CALN1: variants seen among roughly 807,000 people sequenced by gnomAD.
CALN1 encodes calneuron 1, also known as calcium-binding protein 8.
CALN1 carries 17 observed loss-of-function variants against 30.6 expected under a neutral mutation model. The observed-to-expected ratio is 0.56, with a 90% CI of 0.38 to 0.83. The LOEUF is 0.83. Among genes scored for constraint, CALN1 ranks in the 40% least tolerant of loss-of-function variants. The pLI is 0.00. For synonymous variants in CALN1, 156 were observed against 131.4 expected (o/e 1.19, Z -1.28); for missense variants, 291 against 354.9 (o/e 0.82, Z 1.45).
At chr7:72,075,350 A>G (rs1004024055) in intron 4 of CALN1, among the ~76,000 whole-genome samples, 1 of 152,236 alleles carries the variant, frequency 6.6e-6, no homozygotes, top group African/African-American at 2.4e-5. Flanking sequence ...AAGTTGACAC[A>G]TAAGATTAAC....
At chr7:72,380,714 T>C (rs1009438034) in intron 2 of CALN1, among the ~76,000 whole-genome samples, 1 of 148,532 alleles carries the variant, frequency 6.7e-6, no homozygotes, top group Non-Finnish European at 1.5e-5. Flanking sequence ...ATTAGATAGA[T>C]AGATAGATAC....
chr7:72,212,151 G>A (rs553869296), intron 3 of CALN1, among the ~76,000 whole-genome samples: 10 of 152,058 alleles, frequency 6.6e-5, no homozygotes, highest in Non-Finnish European at 1.5e-4. Flanking sequence ...AGGAGATGGA[G>A]ACCATCCTGG....
intron 2 of CALN1, among the ~76,000 whole-genome samples, chr7:72,393,569 C>A (rs979528462): frequency 6.6e-6 from 1 of 152,148 alleles, no homozygotes; most frequent in South Asian, 2.1e-4. Context: ...AAGGAGGACA[C>A]TGCATGAACA....
chr7:71,887,329 CTT>C (rs1792971020), intron 5 of CALN1, among the ~76,000 whole-genome samples: 1 of 152,138 alleles, frequency 6.6e-6, no homozygotes, highest in South Asian at 2.1e-4. Context: ...GAGTTTCGCT[CTT>C]GTTGCCCAGG....
At chr7:71,873,090 G>T (rs1371284368) in intron 5 of CALN1, among the ~76,000 whole-genome samples, 1 of 143,114 alleles carries the variant, frequency 7.0e-6, no homozygotes, top group Non-Finnish European at 1.5e-5. Flanking sequence ...TGCAGCCTTT[G>T]CCTCCCGGAT....
At chr7:72,062,177 C>T (rs1411023735) in intron 4 of CALN1, among the ~76,000 whole-genome samples, 1 of 152,000 alleles carries the variant, frequency 6.6e-6, no homozygotes, top group African/African-American at 2.4e-5. Context: ...GTCAGCACAC[C>T]TGCTCTAAAA....
intron 1 of CALN1, among the ~76,000 whole-genome samples, chr7:72,431,149 C>A (rs935365699): frequency 6.6e-6 from 1 of 151,866 alleles, no homozygotes; most frequent in African/African-American, 2.4e-5. Flanking sequence ...AGGCTCGTCT[C>A]GAACTCCTGA....
chr7:72,119,651 T>A (rs1161069420), intron 3 of CALN1, among the ~76,000 whole-genome samples: 2 of 152,124 alleles, frequency 1.3e-5, no homozygotes, highest in African/African-American at 4.8e-5. Flanking sequence ...TCCACATGGC[T>A]GGGGAGGCCT....
intron 3 of CALN1, among the ~76,000 whole-genome samples, chr7:72,127,260 T>A (rs1268272778): frequency 6.6e-6 from 1 of 152,084 alleles, no homozygotes; most frequent in Non-Finnish European, 1.5e-5. Context: ...CCTAGGTAGA[T>A]GTATGCCTGA....
intron 3 of CALN1, among the ~76,000 whole-genome samples, chr7:72,118,055 G>A (rs528697831): frequency 8.7e-4 from 132 of 152,200 alleles, no homozygotes; most frequent in African/African-American, 3.1e-3. Context: ...AGTGCTCAGG[G>A]CTGGTGGGCC....
intron 3 of CALN1, among the ~76,000 whole-genome samples, chr7:72,143,956 A>G (rs1276555700): frequency 6.6e-6 from 1 of 152,252 alleles, no homozygotes; most frequent in Admixed American, 6.5e-5. Flanking sequence ...GGCCTGCCCT[A>G]CAAGAGCTCC....
chr7:72,322,599 A>C (rs1339495591), intron 2 of CALN1, among the ~76,000 whole-genome samples: 1 of 152,112 alleles, frequency 6.6e-6, no homozygotes, highest in Non-Finnish European at 1.5e-5. Context: ...ATTTGTGGGA[A>C]CTAAAAATTA....
chr7:72,280,009 A>C (rs370099559), intron 2 of CALN1, among the ~76,000 whole-genome samples: 3 of 152,332 alleles, frequency 2.0e-5, no homozygotes, highest in East Asian at 3.9e-4. Context: ...TTTAACCAGG[A>C]GCACAAAGCC....
intron 3 of CALN1, among the ~76,000 whole-genome samples, chr7:72,117,895 T>G (rs577723900): frequency 2.0e-5 from 3 of 149,982 alleles, no homozygotes; most frequent in African/African-American, 7.4e-5. Context: ...GAGGTGGAGG[T>G]TGCAGTGAGC....
At chr7:72,467,640 G>T in the CALN1 span, among the ~76,000 whole-genome samples, 15 of 152,106 alleles carry the variant, frequency 9.9e-5, no homozygotes, top group African/African-American at 3.6e-4. Flanking sequence ...GCCGTCCATA[G>T]CCCCGACCCA....
intron 2 of CALN1, among the ~76,000 whole-genome samples, chr7:72,284,688 C>A (rs1157600065): frequency 6.6e-6 from 1 of 152,178 alleles, no homozygotes; most frequent in African/African-American, 2.4e-5. Flanking sequence ...GTCTTCAAAC[C>A]AGACTGGAAC....
intron 3 of CALN1, among the ~76,000 whole-genome samples, chr7:72,170,513 C>G (rs1788862542): frequency 6.6e-6 from 1 of 152,170 alleles, no homozygotes; most frequent in Non-Finnish European, 1.5e-5. Context: ...TTTTACATAA[C>G]TTGGTTAAAG....
At chr7:72,245,132 G>A (rs954339144) in intron 3 of CALN1, among the ~76,000 whole-genome samples, 4 of 152,228 alleles carry the variant, frequency 2.6e-5, no homozygotes, top group Admixed American at 1.3e-4. Context: ...AACAATCCCC[G>A]CTGGAGGTGC....
chr7:72,394,657 A>G (rs2129561615), intron 2 of CALN1, among the ~76,000 whole-genome samples: 1 of 112,680 alleles, frequency 8.9e-6, no homozygotes, highest in East Asian at 3.1e-4. Context: ...CAGGGGTACC[A>G]TTGACTTTTT....
Sources: allele counts gnomAD v4.1 joint callset (sites outside exome capture counted in the v4.1 genomes callset), GRCh38; gene constraint gnomAD v4.1.1; transcripts MANE v1.5; gene names NCBI Gene and HGNC (gene_info 2026-07-23, HGNC 2026-07-21).